The following RADIL variants were observed in gnomAD, a reference collection of about 807,000 sequenced individuals.
RADIL encodes the protein ras-associating and dilute domain-containing protein.
RADIL carries 99 observed loss-of-function variants against 97.6 expected under a neutral mutation model. That is an observed-to-expected ratio of 1.01 (90% CI 0.86 to 1.20). The LOEUF is 1.20. RADIL is among the 50% of genes most tolerant of loss of function. The pLI, the probability that RADIL is intolerant of heterozygous loss-of-function variation, is 0.00. For synonymous variants in RADIL, 803 were observed against 691.8 expected, an observed-to-expected ratio of 1.16 and a Z score of -2.52; for missense variants, 1,765 against 1,498.9, an observed-to-expected ratio of 1.18 and a Z score of -2.93.
intron 2 of RADIL, among the ~76,000 whole-genome samples, chr7:4,869,664 ACT>A (rs1020654778): frequency 1.3e-4 from 19 of 151,586 alleles, no homozygotes; most frequent in African/African-American, 4.4e-4. Flanking sequence ...CTGCATCTGC[ACT>A]CTCTCTTCTG....
chr7:4,810,371 G>C (rs1008538192), intron 9 of RADIL, among the ~76,000 whole-genome samples: 5 of 152,060 alleles, frequency 3.3e-5, no homozygotes, highest in Admixed American at 2.0e-4. Context: ...GTCTTACTGT[G>C]TTACCCAGGC....
chr7:4,850,776 C>T (rs1009937669), intron 2 of RADIL, among the ~76,000 whole-genome samples: 6 of 152,178 alleles, frequency 3.9e-5, no homozygotes, highest in African/African-American at 1.2e-4. Flanking sequence ...CGCAGCCCAG[C>T]CGATACCTTG....
chr7:4,877,486 C>T, intron 2 of RADIL, 119 bp downstream of exon 2: 1 of 1,135,046 alleles, frequency 8.8e-7, no homozygotes, highest in Non-Finnish European at 1.2e-6. Flanking sequence ...CTCCGACTGC[C>T]TCCTGCAGAG....
intron 9 of RADIL, among the ~76,000 whole-genome samples, chr7:4,807,216 G>A (rs913600793): frequency 4.6e-5 from 7 of 152,002 alleles, no homozygotes; most frequent in African/African-American, 7.3e-5. Context: ...AGATGTCCAC[G>A]CTGAAGGATA....
intron 12 of RADIL, among the ~76,000 whole-genome samples, chr7:4,801,390 G>A (rs1195868640): frequency 1.3e-5 from 2 of 152,214 alleles, no homozygotes; most frequent in Non-Finnish European, 2.9e-5. Flanking sequence ...GTGACTCTGA[G>A]CCACTTTCTA....
rs909718339 is a variant in RADIL, at chr7:4,835,262, G to C, written c.784-23C>G. ...GTCCTGAAACAGAGACTCCGCTCAGGGCAGGCGTAACGCGAGCAGCACACG... is the reference window on the plus strand; with the variant it reads ...GTCCTGAAACAGAGACTCCGCTCAGCGCAGGCGTAACGCGAGCAGCACACG... On this transcript the variant is annotated intron_variant, in intron 3 of 14. Coordinates refer to ENST00000399583, the MANE Select transcript of RADIL (RefSeq NM_018059.5). This position sits in a 1 kb window ranked among gnomAD's most constrained non-coding sequence, Gnocchi z 5.8. 1 of 1,603,500 alleles carries C rather than the reference G, an allele frequency of 6.2e-7. No individual in the cohort carries two copies. Among genetic ancestry groups the C allele is most frequent in the Non-Finnish European group, 8.5e-7 (1 of 1,179,228 alleles).
chr7:4,870,917 G>A (rs931459161), intron 2 of RADIL, among the ~76,000 whole-genome samples: 4 of 152,178 alleles, frequency 2.6e-5, no homozygotes, highest in African/African-American at 9.7e-5. Context: ...GGACAACAGG[G>A]CTGTCAACGG....
chr7:4,856,665 C>T (rs952443462), intron 2 of RADIL, among the ~76,000 whole-genome samples: 3 of 152,192 alleles, frequency 2.0e-5, no homozygotes, highest in African/African-American at 4.8e-5. Context: ...GGTGAGAGAA[C>T]ATGTCCTATA....
rs972914859 is a variant in RADIL at position 4,849,297 on chromosome 7, C to CAT, written c.536-12694_536-12693dup. Among the ~76,000 whole-genome samples, 12 of 152,144 alleles carry CAT rather than the reference C, an allele frequency of 7.9e-5. No homozygotes were observed. Among genetic ancestry groups the CAT allele is most frequent in the Non-Finnish European group, 1.5e-4 (10 of 68,002 alleles). Reference sequence around the variant, plus strand: ...GAGAAACTATTGCTTTAACTGTGCACATATATATATAACTTTGGTGAAAAT... The same window carrying CAT: ...GAGAAACTATTGCTTTAACTGTGCACATATATATATATAACTTTGGTGAAAAT... On this transcript the variant is annotated intron_variant, in intron 2 of 14. Transcript: ENST00000399583. The surrounding 1 kb of genome is among the most constrained non-coding windows in gnomAD (Gnocchi z 5.4).
intron 2 of RADIL, chr7:4,865,574 G>C: frequency 1.3e-6 from 1 of 793,190 alleles, no homozygotes. Flanking sequence ...TTTTGAGAAA[G>C]GGACCTCGGA....
intron 2 of RADIL, chr7:4,861,774 G>T: frequency 6.7e-7 from 1 of 1,489,320 alleles, no homozygotes; most frequent in African/African-American, 1.4e-5. Flanking sequence ...GGCGCCGGCT[G>T]CGGTGGTCCC....
intron 8 of RADIL, 76 bp downstream of exon 8, chr7:4,816,152 G>A (rs1391737245): frequency 2.9e-6 from 4 of 1,399,188 alleles, no homozygotes; most frequent in African/African-American, 2.8e-5. Flanking sequence ...TCCAGGAGCT[G>A]GCGAGGGAGG....
In RADIL at chr7:4,822,230, C is replaced by A. The variant is rs867157092; in HGVS notation, c.1615+164G>T. On this transcript the variant is annotated intron_variant, in intron 6 of 14. Coordinates refer to ENST00000399583, the MANE Select transcript of RADIL (RefSeq NM_018059.5). The surrounding 1 kb of genome is among the most constrained non-coding windows in gnomAD (Gnocchi z 5.3). ...TGCCACCAGCACCAGCCTCACAGGC[C>A]GTCCCCGAGCAACTGACACATGGCA... 6.6e-6 allele frequency among the ~76,000 whole-genome samples: 1 copy of A among 152,278 alleles called. No individual in the cohort carries two copies. Among genetic ancestry groups the A allele is most frequent in the East Asian group, 1.9e-4 (1 of 5,164 alleles).
chr7:4,832,019 G>A (rs1169443080), intron 5 of RADIL, 122 bp downstream of exon 5: 2 of 1,025,974 alleles, frequency 1.9e-6, no homozygotes, highest in Non-Finnish European at 1.4e-6. Flanking sequence ...TTGGATGGAA[G>A]GACAAAGCCC....
At chr7:4,877,387 G>T (rs1485379830) in intron 2 of RADIL, among the ~76,000 whole-genome samples, 1 of 152,228 alleles carries the variant, frequency 6.6e-6, no homozygotes, top group Non-Finnish European at 1.5e-5. Flanking sequence ...GTGAGCTGTG[G>T]TTGCACCACT....
At chr7:4,806,810 G>A (rs76640297) in intron 9 of RADIL, among the ~76,000 whole-genome samples, 1,883 of 152,304 alleles carry the variant, frequency 0.012, 42 homozygotes, top group African/African-American at 0.042. Flanking sequence ...GCGGGAGGGC[G>A]TCACCCTTCG....
At chr7:4,860,094 T>C (rs373648799) in intron 2 of RADIL, 93 of 1,613,902 alleles carry the variant, frequency 5.8e-5, no homozygotes, top group Non-Finnish European at 7.2e-5. Flanking sequence ...GAAAATTCAG[T>C]AGCCTGTATG....
At position 4,805,735 on chromosome 7, in the gene RADIL, C is replaced by T; in HGVS notation, c.2140-19G>A. 1 of 1,599,650 alleles carries T rather than the reference C, an allele frequency of 6.3e-7. No homozygotes were observed. Among genetic ancestry groups the T allele is most frequent in the Non-Finnish European group, 8.5e-7 (1 of 1,172,626 alleles). ...AGCTCATCTGGGTGACAAGAAGGAG[C>T]TCATGGTCACAGGTCTCTGGGTGCA... On this transcript the variant is annotated intron_variant, in intron 9 of 14. Transcript: ENST00000399583.
At chr7:4,816,041 C>T (rs1469982901) in intron 8 of RADIL, among the ~76,000 whole-genome samples, 187 bp downstream of exon 8, 4 of 152,176 alleles carry the variant, frequency 2.6e-5, no homozygotes, top group East Asian at 3.9e-4. Context: ...CTGGCTCCTA[C>T]GGGATGCGCT....
Sources: gnomAD v4.1 joint callset for allele counts (sites outside exome capture counted in the v4.1 genomes callset) on GRCh38, gnomAD v4.1.1 for gene constraint, Gnocchi (gnomAD v3.1) non-coding constraint, MANE v1.5 for transcripts, NCBI Gene and HGNC (gene_info 2026-07-23, HGNC 2026-07-21) for gene names.